The following PPP1R1A variants were observed in gnomAD, a reference collection of about 807,000 sequenced individuals.
The protein encoded by PPP1R1A is protein phosphatase 1 regulatory subunit 1A.
Under a neutral mutation model 23.9 loss-of-function variants are expected in PPP1R1A, and 18 were observed. The ratio of observed to expected loss-of-function variants is 0.75; its 90% confidence interval spans 0.52 to 1.12. The LOEUF (loss-of-function observed/expected upper bound fraction) is 1.12. Among genes scored for constraint, PPP1R1A ranks in the 50% most tolerant of loss-of-function variants. The pLI is 0.00. For missense variants in PPP1R1A, 207 were observed against 223.8 expected (o/e 0.92, Z 0.48); for synonymous variants, 84 against 80.7 (o/e 1.04, Z -0.22).
rs1957854828 is a variant in PPP1R1A at position 54,581,373 on chromosome 12, G to A, written c.404-323C>T. Among the ~76,000 whole-genome samples the A allele has an allele frequency of 6.6e-6, 1 of 152,224 alleles. No individual in the cohort carries two copies. Among genetic ancestry groups the A allele is most frequent in the African/African-American group, 2.4e-5 (1 of 41,450 alleles). ...ATTCTGCTTAGTGAGACCATTCACT[G>A]GATTGCAGAAATATTATGTGTTTGA... On this transcript the variant is annotated intron_variant, in intron 5 of 6. Coordinates refer to ENST00000257905, the MANE Select transcript of PPP1R1A (RefSeq NM_006741.4). The surrounding 1 kb of genome is among the most constrained non-coding windows in gnomAD (Gnocchi z 4.1).
Position 54,580,075 on chromosome 12 carries a change from C to G in PPP1R1A, c.*312G>C. On this transcript the variant is annotated 3_prime_UTR_variant, in exon 7 of 7. Transcript: ENST00000257905. ...CCTCCCACCTATCTGACCCTCATCTCTCTTCCCACAGCAAGTAAAGTCAGG... is the reference window on the plus strand; with the variant it reads ...CCTCCCACCTATCTGACCCTCATCTGTCTTCCCACAGCAAGTAAAGTCAGG... 2 of 1,094,820 alleles carry G rather than the reference C, an allele frequency of 1.8e-6. No homozygotes were observed. Among genetic ancestry groups the G allele is most frequent in the Non-Finnish European group, 2.2e-6 (2 of 896,562 alleles). The allele number at this position is 1,094,820 out of a possible 1,614,324, so 67.8% of individuals were successfully genotyped here. A position where few individuals can be genotyped will look rare whatever the true frequency, so the allele number is the denominator to read the frequency against.
intron 1 of PPP1R1A, 36 bp from the exon 2 acceptor site, chr12:54,584,356 A>G: frequency 6.5e-7 from 1 of 1,544,142 alleles, no homozygotes; most frequent in Middle Eastern, 1.7e-4. Context: ...GAGGTCAAGT[A>G]CACGTGGAAG....
At chr12:54,583,928 A>G (rs1685794091) in intron 2 of PPP1R1A, among the ~76,000 whole-genome samples, 1 of 151,930 alleles carries the variant, frequency 6.6e-6, no homozygotes, top group Non-Finnish European at 1.5e-5. Context: ...CCTCCCCCTC[A>G]CAGCTGACAC....
In PPP1R1A at chr12:54,582,935, G is replaced by A. The variant is rs1045261922; in HGVS notation, c.184-140C>T. 7.4e-6 allele frequency: 7 copies of A among 947,872 alleles called. No homozygotes were observed. In the African/African-American group the frequency reaches 1.2e-4, roughly 16 times the overall value. 58.7% of individuals were successfully genotyped at this position (947,872 alleles called of 1,614,324 possible). A position where few individuals can be genotyped will look rare whatever the true frequency, so the allele number is the denominator to read the frequency against. ...GCCAGGCTTTTGGATTGGAGCCTGG[G>A]GTAGGTGTGAGCTTCAAAAAGTGGG... On this transcript the variant is annotated intron_variant, in intron 3 of 6. Transcript: ENST00000257905.
Position 54,581,173 on chromosome 12 carries a change from G to T in PPP1R1A, c.404-123C>A. 1.4e-6 allele frequency: 1 copy of T among 694,682 alleles called. No individual in the cohort carries two copies. Among genetic ancestry groups the T allele is most frequent in the East Asian group, 2.5e-5 (1 of 40,080 alleles). The allele number at this position is 694,682 out of a possible 1,614,324, so 43.0% of individuals were successfully genotyped here. A position where few individuals can be genotyped will look rare whatever the true frequency, so the allele number is the denominator to read the frequency against. On this transcript the variant is annotated intron_variant, in intron 5 of 6. Coordinates refer to ENST00000257905, the MANE Select transcript of PPP1R1A (RefSeq NM_006741.4). This position sits in a 1 kb window ranked among gnomAD's most constrained non-coding sequence, Gnocchi z 4.1. ...CCTGAGAGGGCCCCAGGACCAAGTT[G>T]GGTGCAATCAGGCAAGACCAACAGG... is the stretch of plus-strand genomic sequence containing the variant.
chr12:54,587,034 G>C (rs923390667), intron 1 of PPP1R1A, among the ~76,000 whole-genome samples: 2 of 152,186 alleles, frequency 1.3e-5, no homozygotes, highest in East Asian at 3.9e-4. Flanking sequence ...ATCCTCTACA[G>C]ATTTGTGAGG....
rs765527269 is a variant in PPP1R1A, at chr12:54,584,310, C to T, written c.95G>A (p.Arg32His). The T allele has an allele frequency of 5.6e-6, 9 of 1,601,486 alleles. No individual in the cohort carries two copies. Among genetic ancestry groups the T allele is most frequent in the African/African-American group, 1.3e-5 (1 of 74,728 alleles). The change falls in exon 2 of 7, where the codon CGC (arginine) becomes CAC (histidine). Residue 32 changes from arginine (R) to histidine (H), a missense_variant. Transcript: ENST00000257905. ...DPEAAEQIRRRRPTPATLVLT... is the reference protein window; with the variant it reads ...DPEAAEQIRRHRPTPATLVLT... Reference sequence around the variant, plus strand: ...CACGAGGGTGGCAGGGGTGGGGCGGCGCCTCCGAATCTGAGGGAAGGTGGG... The same window carrying T: ...CACGAGGGTGGCAGGGGTGGGGCGGTGCCTCCGAATCTGAGGGAAGGTGGG...
At position 54,579,586 on chromosome 12, in the gene PPP1R1A, C is replaced by T. The variant is rs1957832815; in HGVS notation, c.*801G>A. ...AGAGGCCTGGCCGTGAGATCTGAGA[C>T]AGTTTCTTCTCTTATGCTTGGTTTT... On this transcript the variant is annotated 3_prime_UTR_variant, in exon 7 of 7. Coordinates refer to ENST00000257905, the MANE Select transcript of PPP1R1A (RefSeq NM_006741.4). 8 of 985,328 alleles carry T rather than the reference C, an allele frequency of 8.1e-6. No homozygotes were observed. Among genetic ancestry groups the T allele is most frequent in the African/African-American group, 1.7e-5 (1 of 57,224 alleles). The allele number at this position is 985,328 out of a possible 1,614,324, so 61.0% of individuals were successfully genotyped here.
chr12:54,580,916 A>G, intron 6 of PPP1R1A, 28 bp downstream of exon 6: 1 of 1,555,664 alleles, frequency 6.4e-7, no homozygotes, highest in Middle Eastern at 1.7e-4. Flanking sequence ...CTCTCCTATG[A>G]CCTGGCAGCC....
At position 54,582,805 on chromosome 12, in the gene PPP1R1A, G is replaced by A; in HGVS notation, c.184-10C>T. 1 of 1,612,826 alleles carries A rather than the reference G, an allele frequency of 6.2e-7. No individual in the cohort carries two copies. The highest frequency in any genetic ancestry group is 8.5e-7 in the Non-Finnish European group (1 of 1,179,622). On this transcript the variant is annotated splice_polypyrimidine_tract_variant and intron_variant, in intron 3 of 6. Transcript: ENST00000257905. ...ACATTGCCAAAGTGGACTGTGAAGG[G>A]CACAGAGCACAGATGGGCGCCAGCC...
chr12:54,583,884 C>T lies in PPP1R1A; in HGVS notation c.145+376G>A, dbSNP rs771580108. ...AGCTGCTTCTAACCTTCCCCTCCCC[C>T]TCTGGGGGCTGTGAAGAGCTGGTGG... On this transcript the variant is annotated intron_variant, in intron 2 of 6. Coordinates refer to ENST00000257905, the MANE Select transcript of PPP1R1A (RefSeq NM_006741.4). Among the ~76,000 whole-genome samples, 8 of 152,336 alleles carry T rather than the reference C, an allele frequency of 5.3e-5. 1 individual carries two copies. The East Asian group carries it at 7.7e-4, about 15-fold the overall frequency.
intron 1 of PPP1R1A, among the ~76,000 whole-genome samples, chr12:54,587,820 C>A (rs1180185640): frequency 2.0e-5 from 3 of 152,076 alleles, no homozygotes; most frequent in Non-Finnish European, 4.4e-5. Context: ...AACTCGACCA[C>A]CCCTCTCCCC....
chr12:54,581,252 C>G lies in PPP1R1A; in HGVS notation c.404-202G>C, dbSNP rs940866977. Among the ~76,000 whole-genome samples the G allele has an allele frequency of 2.0e-5, 3 of 152,158 alleles. No homozygotes were observed. Among genetic ancestry groups the G allele is most frequent in the Admixed American group, 2.0e-4 (3 of 15,274 alleles). The stretch of plus-strand genomic sequence containing the variant: ...TGTTCACTTTTAAAAAATCTTCAAT[C>G]AAATTGGAAAGAATAAACCCTCTAC... On this transcript the variant is annotated intron_variant, in intron 5 of 6. Transcript: ENST00000257905. This position sits in a 1 kb window ranked among gnomAD's most constrained non-coding sequence, Gnocchi z 4.1.
intron 6 of PPP1R1A, 107 bp from the exon 7 acceptor site, chr12:54,580,499 G>A (rs1484671873): frequency 1.7e-6 from 2 of 1,156,366 alleles, no homozygotes; most frequent in East Asian, 4.9e-5. Context: ...GTCTCAGAAA[G>A]CTTGTTCTGA....
At chr12:54,587,836 C>CA (rs1957925488) in intron 1 of PPP1R1A, among the ~76,000 whole-genome samples, 1 of 152,126 alleles carries the variant, frequency 6.6e-6, no homozygotes. Flanking sequence ...TCCCCTCTCC[C>CA]TGGAGCCCCA....
chr12:54,582,070 C>T lies in PPP1R1A; in HGVS notation c.309G>A (p.Gly103=), dbSNP rs773735572. The change falls in exon 5 of 7, where the codon GGG becomes GGA. Residue 103 remains glycine (G), a synonymous_variant. Coordinates refer to ENST00000257905, the MANE Select transcript of PPP1R1A (RefSeq NM_006741.4). ...CCTGGGTTCCTGTGCTCTCAGCGGCCCCCTCAGGTTCCTCTCCTTGCTGCT... is the reference window on the plus strand; with the variant it reads ...CCTGGGTTCCTGTGCTCTCAGCGGCTCCCTCAGGTTCCTCTCCTTGCTGCT... ...GQQQQGEEPE[G]AAESTGTQES... is the part of the protein sequence containing the mutation. 1.9e-6 allele frequency: 3 copies of T among 1,613,756 alleles called. 1 individual carries two copies. The South Asian group carries it at 3.3e-5, about 18-fold the overall frequency.
Position 54,579,988 on chromosome 12 carries a change from G to A in PPP1R1A, c.*399C>T. On this transcript the variant is annotated 3_prime_UTR_variant, in exon 7 of 7. Transcript: ENST00000257905. ...GGCAGGCCTGTGAGGTGGTCGGATC[G>A]TTCCTCAATAAGAAAAGAGAACCTG... 9.9e-7 allele frequency: 1 copy of A among 1,005,788 alleles called. No homozygotes were observed. Among genetic ancestry groups the A allele is most frequent in the Non-Finnish European group, 1.2e-6 (1 of 842,014 alleles). 62.3% of individuals were successfully genotyped at this position (1,005,788 alleles called of 1,614,324 possible).
chr12:54,580,100 G>T lies in PPP1R1A; in HGVS notation c.*287C>A, dbSNP rs971701957. 8.5e-7 allele frequency: 1 copy of T among 1,179,048 alleles called. No individual in the cohort carries two copies. Among genetic ancestry groups the T allele is most frequent in the African/African-American group, 1.6e-5 (1 of 63,654 alleles). The allele number at this position is 1,179,048 out of a possible 1,614,324, so 73.0% of individuals were successfully genotyped here. A position where few individuals can be genotyped will look rare whatever the true frequency, so the allele number is the denominator to read the frequency against. On this transcript the variant is annotated 3_prime_UTR_variant, in exon 7 of 7. Coordinates refer to ENST00000257905, the MANE Select transcript of PPP1R1A (RefSeq NM_006741.4). ...CTCTTCCCACAGCAAGTAAAGTCAG[G>T]GCTAAGGGAAGAACTCTTCCCTGCT... is the stretch of plus-strand genomic sequence containing the variant.
chr12:54,586,800 A>C (rs1379082333), intron 1 of PPP1R1A, among the ~76,000 whole-genome samples: 1 of 151,302 alleles, frequency 6.6e-6, no homozygotes, highest in South Asian at 2.1e-4. Context: ...CACCTACTAC[A>C]CCTGCCTCCT....
Sources: gnomAD v4.1 joint callset for allele counts (sites outside exome capture counted in the v4.1 genomes callset) on GRCh38, gnomAD v4.1.1 for gene constraint, Gnocchi (gnomAD v3.1) non-coding constraint, MANE v1.5 for transcripts, NCBI Gene and HGNC (gene_info 2026-07-23, HGNC 2026-07-21) for gene names.